Variants in CLDN11 observed in about 807,000 individuals in gnomAD.
CLDN11 encodes claudin 11.
In CLDN11, 1 loss-of-function variant was observed where a neutral mutation model predicts 18.0. The ratio of observed to expected loss-of-function variants is 0.06; its 90% CI spans 0.02 to 0.26. The LOEUF (loss-of-function observed/expected upper bound fraction) is 0.26. Among genes scored for constraint, CLDN11 ranks in the 10% least tolerant of loss-of-function variants. The probability of loss-of-function intolerance (pLI) is 1.00; values close to 1 mark genes in which losing one functional copy is unlikely to be tolerated. For missense variants in CLDN11, 172 were observed against 276.6 expected, an observed-to-expected ratio of 0.62 and a Z score of 2.68; for synonymous variants, 116 against 121.5, an observed-to-expected ratio of 0.96 and a Z score of 0.30.
chr3:170,424,514 TCTC>T (rs1321862608), intron 2 of CLDN11, among the ~76,000 whole-genome samples: 1 of 152,244 alleles, frequency 6.6e-6, no homozygotes, highest in Non-Finnish European at 1.5e-5. Context: ...CTAGCTCTCT[TCTC>T]GTCAGTGATT....
intron 2 of CLDN11, among the ~76,000 whole-genome samples, chr3:170,427,357 C>T (rs998984345): frequency 1.3e-5 from 2 of 152,196 alleles, no homozygotes; most frequent in Non-Finnish European, 2.9e-5. Context: ...CGTGGTGGCT[C>T]ACACCTGTAA....
Position 170,427,505 on chromosome 3 carries a change from C to G in CLDN11, c.391+4178C>G, listed in dbSNP as rs545267669. ...GCATGGTGGCACACGCCTGTAATCC[C>G]TGCTACTTGGGAGGCTGAGGCAGGA... On this transcript the variant is annotated intron_variant, in intron 2 of 2. Transcript: ENST00000064724. Among the ~76,000 whole-genome samples the G allele has an allele frequency of 2.3e-4, 35 of 152,090 alleles. No individual in the cohort carries two copies. In the South Asian group the frequency reaches 6.7e-3, roughly 29 times the overall value.
rs114081031 is a variant in CLDN11, at chr3:170,428,254, C to T, written c.392-4270C>T. ...CTGTCTCTCTTTCTCTCAGTTGTTA[C>T]CTCCAACGTCAAACATACCTGTATT... On this transcript the variant is annotated intron_variant, in intron 2 of 2. Transcript: ENST00000064724. Among the ~76,000 whole-genome samples, 1,372 of 151,992 alleles carry T rather than the reference C, an allele frequency of 9.0e-3. 13 individuals are homozygous for T. The highest frequency in any genetic ancestry group is 0.014 in the Admixed American group (213 of 15,262).
chr3:170,418,990 A>G lies in CLDN11; in HGVS notation c.-77A>G. 5.5e-6 allele frequency: 6 copies of G among 1,095,828 alleles called. No homozygotes were observed. The highest frequency in any genetic ancestry group is 8.0e-6 in the Non-Finnish European group (6 of 747,302). 67.9% of individuals were successfully genotyped at this position (1,095,828 alleles called of 1,614,324 possible). A position where few individuals can be genotyped will look rare whatever the true frequency, so the allele number is the denominator to read the frequency against. On this transcript the variant is annotated 5_prime_UTR_variant, in exon 1 of 3. Transcript: ENST00000064724. This position sits in a 1 kb window ranked among gnomAD's most constrained non-coding sequence, Gnocchi z 4.3. ...AGCGGCTCGCGAGCGTGGGAGACGT[A>G]CCTGGGCAGGCACTGTCCAGCCCAG...
chr3:170,432,407 G>A, intron 2 of CLDN11, 117 bp from the exon 3 acceptor site: 1 of 1,515,950 alleles, frequency 6.6e-7, no homozygotes, highest in Non-Finnish European at 8.8e-7. Flanking sequence ...CTGTGTGTAT[G>A]GAGCTTTTTG....
chr3:170,426,996 G>C (rs1285493822), intron 2 of CLDN11, among the ~76,000 whole-genome samples: 1 of 152,202 alleles, frequency 6.6e-6, no homozygotes, highest in Non-Finnish European at 1.5e-5. Flanking sequence ...TGGGCAGGCT[G>C]GTCTCGAACT....
At chr3:170,420,631 T>G (rs1294032400) in intron 1 of CLDN11, among the ~76,000 whole-genome samples, 1 of 152,240 alleles carries the variant, frequency 6.6e-6, no homozygotes. Flanking sequence ...CTTTGCTTCC[T>G]CTTCTGGACC....
rs1739064997 is a variant in CLDN11 at position 170,433,539 on chromosome 3, G to C, written c.*783G>C. ...CATTTACTTGTACGAGACAGAAAAA[G>C]ATAGCATTGGGGACATGGGATGGGG... On this transcript the variant is annotated 3_prime_UTR_variant, in exon 3 of 3. Coordinates refer to ENST00000064724, the MANE Select transcript of CLDN11 (RefSeq NM_005602.6). 1 of 152,528 alleles carries C rather than the reference G, an allele frequency of 6.6e-6. No individual in the cohort carries two copies. The highest frequency in any genetic ancestry group is 2.4e-5 in the African/African-American group (1 of 41,424). 9.4% of individuals were successfully genotyped at this position (152,528 alleles called of 1,614,324 possible).
intron 1 of CLDN11, among the ~76,000 whole-genome samples, chr3:170,422,448 G>A (rs779591458): frequency 2.6e-5 from 4 of 152,070 alleles, no homozygotes; most frequent in East Asian, 1.9e-4. Flanking sequence ...TTGAGAAAGA[G>A]TCTCGCTCTG....
At chr3:170,432,226 T>C (rs1322898806) in intron 2 of CLDN11, among the ~76,000 whole-genome samples, 2 of 152,252 alleles carry the variant, frequency 1.3e-5, no homozygotes, top group Non-Finnish European at 2.9e-5. Flanking sequence ...GAAGTGTTGA[T>C]ATACAAGTAA....
In CLDN11 at chr3:170,419,126, G is replaced by A; in HGVS notation, c.60G>A (p.Gly20=). The part of the protein sequence containing the change: ...GFVTSFVGWI[G]VIVTTSTNDW... ...TCACGAGCTTCGTGGGCTGGATCGG[G>A]GTCATCGTGACCACCTCCACCAATG... Residue 20 remains glycine, a synonymous_variant, in exon 1 of 3, where the codon GGG becomes GGA. Transcript: ENST00000064724. This position sits in a 1 kb window ranked among gnomAD's most constrained non-coding sequence, Gnocchi z 8.6. 6.4e-7 allele frequency: 1 copy of A among 1,552,046 alleles called. No individual in the cohort carries two copies. The highest frequency in any genetic ancestry group is 1.4e-5 in the African/African-American group (1 of 73,188).
intron 2 of CLDN11, among the ~76,000 whole-genome samples, chr3:170,424,432 A>C (rs1738798646): frequency 6.6e-6 from 1 of 152,196 alleles, no homozygotes; most frequent in South Asian, 2.1e-4. Flanking sequence ...AGGAAATGGC[A>C]TGTGCTCATT....
chr3:170,432,266 G>A (rs1192650035), intron 2 of CLDN11, among the ~76,000 whole-genome samples: 1 of 152,138 alleles, frequency 6.6e-6, no homozygotes, highest in Admixed American at 6.5e-5. Context: ...GGACTTAAAT[G>A]GTTTATTTCT....
rs186078534 is a variant in CLDN11, at chr3:170,424,698, A to T, written c.391+1371A>T. Among the ~76,000 whole-genome samples, 16 of 152,272 alleles carry T rather than the reference A, an allele frequency of 1.1e-4. No individual in the cohort carries two copies. In the South Asian group the frequency reaches 1.7e-3, roughly 16 times the overall value. On this transcript the variant is annotated intron_variant, in intron 2 of 2. Transcript: ENST00000064724. ...AAAATCACCTTCTTCTGAAACAAGGAATTCATACCCCCAGATTGGCATATC... is the reference window on the plus strand; with the variant it reads ...AAAATCACCTTCTTCTGAAACAAGGTATTCATACCCCCAGATTGGCATATC...
chr3:170,419,045 C>T lies in CLDN11; in HGVS notation c.-22C>T, dbSNP rs1345625472. 6.5e-7 allele frequency: 1 copy of T among 1,528,284 alleles called. No individual in the cohort carries two copies. Among genetic ancestry groups the T allele is most frequent in the Non-Finnish European group, 8.9e-7 (1 of 1,127,812 alleles). 94.7% of individuals were successfully genotyped at this position (1,528,284 alleles called of 1,614,324 possible). On this transcript the variant is annotated 5_prime_UTR_variant, in exon 1 of 3. It adds an upstream start codon to the 5' untranslated region. Transcript: ENST00000064724. This position sits in a 1 kb window ranked among gnomAD's most constrained non-coding sequence, Gnocchi z 8.6. The stretch of plus-strand genomic sequence containing the variant: ...AGGCACAGCCGTGAGGGGCGAGGCA[C>T]GGGGACATCCTGGCGGCCACCATGG...
chr3:170,424,326 G>A (rs1158559255), intron 2 of CLDN11, among the ~76,000 whole-genome samples: 1 of 152,214 alleles, frequency 6.6e-6, no homozygotes, highest in Non-Finnish European at 1.5e-5. Context: ...ACCCAGACTG[G>A]ATGAGTTTCC....
chr3:170,419,799 G>A lies in CLDN11; in HGVS notation c.226+507G>A, dbSNP rs1202891963. Among the ~76,000 whole-genome samples the A allele has an allele frequency of 2.0e-5, 3 of 152,266 alleles. No homozygotes were observed. On this transcript the variant is annotated intron_variant, in intron 1 of 2. Coordinates refer to ENST00000064724, the MANE Select transcript of CLDN11 (RefSeq NM_005602.6). This position sits in a 1 kb window ranked among gnomAD's most constrained non-coding sequence, Gnocchi z 8.6. ...GGGATGGGCGAAGCGCCCCCGGCCA[G>A]GTTAGAGCCCTCCTAGCTCCGTCCG...
intron 2 of CLDN11, among the ~76,000 whole-genome samples, chr3:170,431,852 G>A (rs1739011653): frequency 6.6e-6 from 1 of 152,212 alleles, no homozygotes; most frequent in African/African-American, 2.4e-5. Flanking sequence ...ATTGTGAACA[G>A]TGTAATAAAA....
chr3:170,427,671 G>A (rs1385845056), intron 2 of CLDN11, among the ~76,000 whole-genome samples: 1 of 151,582 alleles, frequency 6.6e-6, no homozygotes, highest in Admixed American at 6.6e-5. Context: ...AATTAGCCAG[G>A]TGTGGCAGGT....
Sources: allele counts gnomAD v4.1 joint callset (sites outside exome capture counted in the v4.1 genomes callset), GRCh38; gene constraint gnomAD v4.1.1; non-coding constraint Gnocchi (gnomAD v3.1); transcripts MANE v1.5; gene names NCBI Gene and HGNC (gene_info 2026-07-23, HGNC 2026-07-21).